CBLN1: variants seen among roughly 807,000 people sequenced by gnomAD.
The protein encoded by CBLN1 is cerebellin-1.
A neutral mutation model predicts 15.9 loss-of-function variants in CBLN1; 5 were observed. The observed-to-expected ratio is 0.31, with a 90% CI of 0.16 to 0.66. The LOEUF is 0.66. Ranked by LOEUF, CBLN1 falls within the 30% of genes least tolerant of loss-of-function variation. The pLI is 0.75. For missense variants in CBLN1, 164 were observed against 253.7 expected (o/e 0.65, Z 2.40); for synonymous variants, 90 against 107.6 (o/e 0.84, Z 1.01).
Position 49,281,618 on chromosome 16 carries a change from G to GGACTAGCGTCCCCTCCGC in CBLN1, c.-171_-154dup, listed in dbSNP as rs1180091987. On this transcript the variant is annotated 5_prime_UTR_variant, in exon 1 of 3. Transcript: ENST00000219197. ...CACTACACCTCTTCCTCGCACTCCG[G>GGACTAGCGTCCCCTCCGC]GACTAGCGTCCCCTCCGCGACTAGC... The GGACTAGCGTCCCCTCCGC allele has an allele frequency of 1.4e-3, 609 of 441,264 alleles. 9 individuals carry two copies. The highest frequency in any genetic ancestry group is 2.9e-4 in the Non-Finnish European group (76 of 266,548). 27.3% of individuals were successfully genotyped at this position (441,264 alleles called of 1,614,324 possible).
At position 49,281,723 on chromosome 16, in the gene CBLN1, G is replaced by GCCGCTGCTGCTCGGTC. The variant is rs1313732799; in HGVS notation, c.-274_-259dup. 2 of 368,844 alleles carry GCCGCTGCTGCTCGGTC rather than the reference G, an allele frequency of 5.4e-6. No homozygotes were observed. Among genetic ancestry groups the GCCGCTGCTGCTCGGTC allele is most frequent in the African/African-American group, 4.2e-5 (2 of 47,216 alleles). The allele number at this position is 368,844 out of a possible 1,614,324, so 22.8% of individuals were successfully genotyped here. A position where few individuals can be genotyped will look rare whatever the true frequency, so the allele number is the denominator to read the frequency against. On this transcript the variant is annotated 5_prime_UTR_variant, in exon 1 of 3. Transcript: ENST00000219197. ...CTGCCCAGCCGCACTTGGATGCATA[G>GCCGCTGCTGCTCGGTC]CCGCTGCTGCTCGGTCCCGCTGCTG...
Position 49,279,121 on chromosome 16 carries a change from A to T in CBLN1, c.*283T>A, listed in dbSNP as rs188920933. ...AACATGAAGTTGGGGGATAAGAAAC[A>T]ATGACAAGGCAGTCTCTTTCTTGAT... On this transcript the variant is annotated 3_prime_UTR_variant, in exon 3 of 3. Coordinates refer to ENST00000219197, the MANE Select transcript of CBLN1 (RefSeq NM_004352.4). The T allele has an allele frequency of 1.7e-5, 8 of 466,870 alleles. No homozygotes were observed. In the East Asian group the frequency reaches 2.0e-4, roughly 12 times the overall value. 28.9% of individuals were successfully genotyped at this position (466,870 alleles called of 1,614,324 possible).
At position 49,279,494 on chromosome 16, in the gene CBLN1, G is replaced by C; in HGVS notation, c.492C>G (p.Gly164=). ...SNGVLIQMEK[G]DRAYLKLERG... ...GCTCCAGCTTGAGGTATGCTCGGTC[G>C]CCTTTCTCCATTTGGATTAGGACTC... is the stretch of plus-strand genomic sequence containing the variant. The change falls in exon 3 of 3, where the codon GGC becomes GGG. Residue 164 remains glycine, a synonymous_variant. Coordinates refer to ENST00000219197, the MANE Select transcript of CBLN1 (RefSeq NM_004352.4). The C allele has an allele frequency of 6.2e-7, 1 of 1,614,174 alleles. No individual in the cohort carries two copies. The highest frequency in any genetic ancestry group is 8.5e-7 in the Non-Finnish European group (1 of 1,180,046).
Position 49,279,145 on chromosome 16 carries a change from A to G in CBLN1, c.*259T>C. 1 of 515,612 alleles carries G rather than the reference A, an allele frequency of 1.9e-6. No individual in the cohort carries two copies. Among genetic ancestry groups the G allele is most frequent in the Non-Finnish European group, 3.4e-6 (1 of 292,056 alleles). 31.9% of individuals were successfully genotyped at this position (515,612 alleles called of 1,614,324 possible). A position where few individuals can be genotyped will look rare whatever the true frequency, so the allele number is the denominator to read the frequency against. ...CAATGACAAGGCAGTCTCTTTCTTG[A>G]TTACTGCAACTGGAATGGGGGAGGC... On this transcript the variant is annotated 3_prime_UTR_variant, in exon 3 of 3. Transcript: ENST00000219197.
In CBLN1 at chr16:49,278,081, G is replaced by A. The variant is rs1341781470; in HGVS notation, c.*1323C>T. On this transcript the variant is annotated 3_prime_UTR_variant, in exon 3 of 3. Coordinates refer to ENST00000219197, the MANE Select transcript of CBLN1 (RefSeq NM_004352.4). ...GCGGGTGGACTCCGGATTCAGAGGC[G>A]GTGTATAAAACATACGCTGCTTCGG... is the stretch of plus-strand genomic sequence containing the variant. The A allele has an allele frequency of 6.6e-6, 1 of 152,236 alleles. No homozygotes were observed. Among genetic ancestry groups the A allele is most frequent in the Non-Finnish European group, 1.5e-5 (1 of 68,068 alleles). 9.4% of individuals were successfully genotyped at this position (152,236 alleles called of 1,614,324 possible).
intron 2 of CBLN1, among the ~76,000 whole-genome samples, 161 bp downstream of exon 2, chr16:49,280,762 A>C (rs1963264676): frequency 6.6e-6 from 1 of 152,148 alleles, no homozygotes; most frequent in Non-Finnish European, 1.5e-5. Context: ...AGCAGAGGAC[A>C]GTTGAAGCCA....
intron 2 of CBLN1, 33 bp downstream of exon 2, chr16:49,280,890 G>C (rs757659587): frequency 3.8e-5 from 62 of 1,613,840 alleles, no homozygotes; most frequent in Non-Finnish European, 5.3e-5. Context: ...ACCCCCCTAC[G>C]GGGCCAGGGC....
chr16:49,280,761 C>T (rs1240071861), intron 2 of CBLN1, among the ~76,000 whole-genome samples, 162 bp downstream of exon 2: 1 of 152,152 alleles, frequency 6.6e-6, no homozygotes, highest in Non-Finnish European at 1.5e-5. Flanking sequence ...AAGCAGAGGA[C>T]AGTTGAAGCC....
rs1249057730 is a variant in CBLN1 at position 49,278,273 on chromosome 16, C to T, written c.*1131G>A. 1 of 152,318 alleles carries T rather than the reference C, an allele frequency of 6.6e-6. No homozygotes were observed. Among genetic ancestry groups the T allele is most frequent in the African/African-American group, 2.4e-5 (1 of 41,486 alleles). The allele number at this position is 152,318 out of a possible 1,614,324, so 9.4% of individuals were successfully genotyped here. A position where few individuals can be genotyped will look rare whatever the true frequency, so the allele number is the denominator to read the frequency against. ...TCCTGGGCCGGCGGCCGCGCCTGGC[C>T]TAGCAAGATTTCGGCCACATTTCTT... is the stretch of plus-strand genomic sequence containing the variant. On this transcript the variant is annotated 3_prime_UTR_variant, in exon 3 of 3. Coordinates refer to ENST00000219197, the MANE Select transcript of CBLN1 (RefSeq NM_004352.4).
At chr16:49,281,066 G>C in intron 1 of CBLN1, 24 bp from the exon 2 acceptor site, 1 of 1,614,248 alleles carries the variant, frequency 6.2e-7, no homozygotes, top group Non-Finnish European at 8.5e-7. Context: ...GGAACGAAGG[G>C]GAGTGGGCAG....
chr16:49,280,916 G>C lies in CBLN1; in HGVS notation c.384+7C>G. On this transcript the variant is annotated splice_region_variant and intron_variant, in intron 2 of 2. Coordinates refer to ENST00000219197, the MANE Select transcript of CBLN1 (RefSeq NM_004352.4). ...GGGCCAGGGCCCGGCACGAGGCGTC[G>C]GCTGACCTGTATGGTTTGTCTGTTG... The C allele has an allele frequency of 6.2e-7, 1 of 1,614,200 alleles. No homozygotes were observed. Among genetic ancestry groups the C allele is most frequent in the Non-Finnish European group, 8.5e-7 (1 of 1,180,028 alleles).
rs1963232135 is a variant in CBLN1 at position 49,279,269 on chromosome 16, T to C, written c.*135A>G. 5.0e-6 allele frequency: 4 copies of C among 793,916 alleles called. No homozygotes were observed. Among genetic ancestry groups the C allele is most frequent in the African/African-American group, 1.7e-5 (1 of 57,694 alleles). The allele number at this position is 793,916 out of a possible 1,614,324, so 49.2% of individuals were successfully genotyped here. A position where few individuals can be genotyped will look rare whatever the true frequency, so the allele number is the denominator to read the frequency against. The stretch of plus-strand genomic sequence containing the variant: ...TTGTCCCACAGCTGGCGCGCACCTT[T>C]TTACCCAGATACAGTTAGAGAACAT... On this transcript the variant is annotated 3_prime_UTR_variant, in exon 3 of 3. Coordinates refer to ENST00000219197, the MANE Select transcript of CBLN1 (RefSeq NM_004352.4).
chr16:49,281,085 C>G (rs761876924), intron 1 of CBLN1, 43 bp from the exon 2 acceptor site: 2 of 1,614,076 alleles, frequency 1.2e-6, no homozygotes, highest in African/African-American at 1.3e-5. Context: ...AGGAATCGGT[C>G]CCGGACTGTC....
chr16:49,280,881 C>A (rs776471454), intron 2 of CBLN1, 42 bp downstream of exon 2: 25 of 1,612,894 alleles, frequency 1.6e-5, no homozygotes, highest in Non-Finnish European at 1.8e-5. Context: ...AGGCCAGTAA[C>A]CCCCCTACGG....
At chr16:49,280,214 GC>G (rs1285045255) in intron 2 of CBLN1, among the ~76,000 whole-genome samples, 17 of 152,070 alleles carry the variant, frequency 1.1e-4, no homozygotes, top group South Asian at 2.1e-4. Flanking sequence ...GCCTGGTTTT[GC>G]CCCTGTGGTG....
chr16:49,280,281 C>G (rs553167211), intron 2 of CBLN1, among the ~76,000 whole-genome samples: 7 of 152,218 alleles, frequency 4.6e-5, no homozygotes, highest in Admixed American at 2.0e-4. Flanking sequence ...CCACCTCTCT[C>G]GGCGCCCAAG....
chr16:49,280,182 C>G (rs915673141), intron 2 of CBLN1, among the ~76,000 whole-genome samples: 3 of 152,176 alleles, frequency 2.0e-5, no homozygotes, highest in African/African-American at 7.2e-5. Flanking sequence ...ATTCCCTCCC[C>G]CATCCAGCCG....
At chr16:49,279,734 G>A (rs1963239051) in intron 2 of CBLN1, 133 bp from the exon 3 acceptor site, 2 of 628,266 alleles carry the variant, frequency 3.2e-6, no homozygotes, top group South Asian at 3.7e-5. Flanking sequence ...GGTGGGGGGG[G>A]CGAATGGAGG....
In CBLN1 at chr16:49,281,033, T is replaced by C. The variant is rs1963276392; in HGVS notation, c.274A>G (p.Asn92Asp). Residue 92 changes from asparagine to aspartate, a missense_variant, in exon 2 of 3, where the codon AAC becomes GAC. Asn to Asp is a conservative substitution (Grantham distance 23, BLOSUM62 1). Coordinates refer to ENST00000219197, the MANE Select transcript of CBLN1 (RefSeq NM_004352.4). ...MIIYFDQVLV[N>D]IGNNFDSERS... ...TCTGAATCAAAGTTGTTCCCAATGT[T>C]CACTAGTACCTATAACGAGACGGGA... 1 of 1,614,202 alleles carries C rather than the reference T, an allele frequency of 6.2e-7. No homozygotes were observed.
Sources: gnomAD v4.1 joint callset for allele counts (sites outside exome capture counted in the v4.1 genomes callset) on GRCh38, gnomAD v4.1.1 for gene constraint, MANE v1.5 for transcripts, NCBI Gene and HGNC (gene_info 2026-07-23, HGNC 2026-07-21) for gene names.